Variants in BMPR1B observed in about 807,000 individuals in gnomAD.
BMPR1B encodes bone morphogenetic protein receptor type 1B, also known as bone morphogenetic protein receptor type-1B.
Under a neutral mutation model 59.1 loss-of-function variants are expected in BMPR1B, and 12 were observed. That is an observed-to-expected ratio of 0.20 (90% CI 0.13 to 0.33). BMPR1B has a LOEUF of 0.33. BMPR1B is among the 10% of genes least tolerant of loss of function. BMPR1B has a pLI of 1.00. For missense variants in BMPR1B, 550 were observed against 610.9 expected (o/e 0.90, Z 1.05); for synonymous variants, 237 against 207.3 (o/e 1.14, Z -1.23).
rs529720378 is a variant in BMPR1B at position 95,003,419 on chromosome 4, G to A, written c.-18+7285G>A. Among the ~76,000 whole-genome samples, 6 of 152,206 alleles carry A rather than the reference G, an allele frequency of 3.9e-5. No homozygotes were observed. In the South Asian group the frequency reaches 6.2e-4, roughly 16 times the overall value. On this transcript the variant is annotated intron_variant, in intron 3 of 12. Transcript: ENST00000515059. ...ATTTTTATCTCTGTGGAATAAAGTT[G>A]ATGTTTCTTGTTTAATGAGATTTAA...
At chr4:94,867,820 G>A (rs1726305445) in intron 1 of BMPR1B, among the ~76,000 whole-genome samples, 1 of 152,056 alleles carries the variant, frequency 6.6e-6, no homozygotes, top group South Asian at 2.1e-4. Flanking sequence ...ACTGCATTAA[G>A]ATTAGTTTTA....
At chr4:95,121,073 G>T (rs1270875801) in intron 6 of BMPR1B, among the ~76,000 whole-genome samples, 1 of 152,154 alleles carries the variant, frequency 6.6e-6, no homozygotes, top group Non-Finnish European at 1.5e-5. Flanking sequence ...TTCCCAAACT[G>T]CTGGGATTAC....
intron 2 of BMPR1B, among the ~76,000 whole-genome samples, chr4:94,956,129 T>A (rs1461287124): frequency 1.3e-5 from 2 of 152,232 alleles, no homozygotes; most frequent in Non-Finnish European, 2.9e-5. Context: ...TTATAGTTCA[T>A]CAGTAGTTTT....
intron 2 of BMPR1B, among the ~76,000 whole-genome samples, chr4:94,934,824 T>G (rs1729228822): frequency 1.3e-5 from 2 of 152,176 alleles, no homozygotes; most frequent in African/African-American, 4.8e-5. Flanking sequence ...CTTTTTGTTT[T>G]TTTGTTTTAG....
At chr4:94,791,792 C>T in intron 1 of BMPR1B, among the ~76,000 whole-genome samples, 1 of 151,930 alleles carries the variant, frequency 6.6e-6, no homozygotes, top group Non-Finnish European at 1.5e-5. Context: ...TTAACCTTTC[C>T]CTCTTTCTTC....
At chr4:94,849,761 G>T (rs1725492731) in intron 1 of BMPR1B, among the ~76,000 whole-genome samples, 1 of 150,464 alleles carries the variant, frequency 6.6e-6, no homozygotes, top group African/African-American at 2.5e-5. Context: ...AATTAGATGT[G>T]ATGGGGCATA....
chr4:95,136,534 T>C (rs1256401132), intron 10 of BMPR1B, among the ~76,000 whole-genome samples: 1 of 152,202 alleles, frequency 6.6e-6, no homozygotes, highest in Non-Finnish European at 1.5e-5. Flanking sequence ...TGAATCCATG[T>C]GGTCCTAGAC....
intron 1 of BMPR1B, among the ~76,000 whole-genome samples, chr4:94,812,350 G>A (rs1402648522): frequency 1.3e-5 from 2 of 152,170 alleles, no homozygotes. Context: ...ATGGAAAGGG[G>A]TTAGAGTATT....
At position 95,030,818 on chromosome 4, in the gene BMPR1B, G is replaced by C. The variant is rs560598987; in HGVS notation, c.-18+34684G>C. Among the ~76,000 whole-genome samples, 296 of 152,292 alleles carry C rather than the reference G, an allele frequency of 1.9e-3. 1 individual carries two copies. The highest frequency in any genetic ancestry group is 0.01 in the Middle Eastern group (3 of 294). ...CTTAAGAATCCAACTTAAAAGGGAC[G>C]TGAAGGACCTCTTCAAGGAGAACTA... On this transcript the variant is annotated intron_variant, in intron 3 of 12. Coordinates refer to ENST00000515059, the MANE Select transcript of BMPR1B (RefSeq NM_001203.3).
intron 3 of BMPR1B, among the ~76,000 whole-genome samples, chr4:95,097,732 C>T (rs925830325): frequency 2.6e-5 from 4 of 151,898 alleles, no homozygotes; most frequent in Admixed American, 6.6e-5. Flanking sequence ...GAGACAGGGT[C>T]TCACCATGTT....
At chr4:94,786,984 T>G (rs1469865008) in intron 1 of BMPR1B, among the ~76,000 whole-genome samples, 3 of 152,178 alleles carry the variant, frequency 2.0e-5, no homozygotes, top group Admixed American at 6.5e-5. Flanking sequence ...CCACTGCATC[T>G]GGCCGTAAAC....
chr4:94,823,812 A>G (rs1724291059), intron 1 of BMPR1B, among the ~76,000 whole-genome samples: 1 of 151,506 alleles, frequency 6.6e-6, no homozygotes, highest in African/African-American at 2.4e-5. Flanking sequence ...CAGTGGCATG[A>G]TTTTGGCTCA....
At chr4:95,127,896 T>C (rs1051509588) in intron 8 of BMPR1B, among the ~76,000 whole-genome samples, 3 of 152,026 alleles carry the variant, frequency 2.0e-5, no homozygotes, top group Admixed American at 6.6e-5. Flanking sequence ...AGGATTTTTT[T>C]TTTTTTAAGA....
At chr4:94,838,185 A>G (rs1724900080) in intron 1 of BMPR1B, among the ~76,000 whole-genome samples, 2 of 116,416 alleles carry the variant, frequency 1.7e-5, no homozygotes, top group Non-Finnish European at 3.6e-5. Flanking sequence ...GGATTTTTGC[A>G]TCAATGTTCA....
chr4:94,818,362 T>C (rs1724085623), intron 1 of BMPR1B, among the ~76,000 whole-genome samples: 1 of 152,192 alleles, frequency 6.6e-6, no homozygotes, highest in Non-Finnish European at 1.5e-5. Context: ...ATAGGTACTA[T>C]TATCATCCCA....
chr4:94,999,163 T>C (rs1470408), intron 3 of BMPR1B, among the ~76,000 whole-genome samples: 4,070 of 152,230 alleles, frequency 0.027, 175 homozygotes, highest in African/African-American at 0.091. Context: ...GAGACTGTAA[T>C]CTATTTATGG....
intron 2 of BMPR1B, among the ~76,000 whole-genome samples, chr4:94,988,183 T>C (rs1721530458): frequency 6.6e-6 from 1 of 152,096 alleles, no homozygotes; most frequent in South Asian, 2.1e-4. Context: ...AATAACACTT[T>C]TGATATTGTC....
At chr4:94,960,944 A>C (rs1465164174) in intron 2 of BMPR1B, among the ~76,000 whole-genome samples, 1 of 152,036 alleles carries the variant, frequency 6.6e-6, no homozygotes, top group Non-Finnish European at 1.5e-5. Context: ...TTCATGGCTC[A>C]AACTCAAGTT....
chr4:95,028,869 G>C (rs1022103659), intron 3 of BMPR1B, among the ~76,000 whole-genome samples: 1 of 151,780 alleles, frequency 6.6e-6, no homozygotes, highest in African/African-American at 2.4e-5. Flanking sequence ...TTTAAAATAT[G>C]ATCCAAGCAT....
Sources: allele counts gnomAD v4.1 joint callset (sites outside exome capture counted in the v4.1 genomes callset), GRCh38; gene constraint gnomAD v4.1.1; transcripts MANE v1.5; gene names NCBI Gene and HGNC (gene_info 2026-07-23, HGNC 2026-07-21).